The following PRRX2 variants were observed in gnomAD, a reference collection of about 807,000 sequenced individuals.
PRRX2 encodes the protein paired mesoderm homeobox protein 2.
In PRRX2, 11 loss-of-function variants were observed where a neutral mutation model predicts 18.0. The ratio of observed to expected loss-of-function variants is 0.61; its 90% CI spans 0.39 to 1.01. The LOEUF is 1.01. Ranked by LOEUF, PRRX2 falls within the 50% of genes least tolerant of loss-of-function variation. The pLI, the probability that PRRX2 is intolerant of heterozygous loss-of-function variation, is 0.01. For missense variants in PRRX2, 387 were observed against 351.0 expected (o/e 1.10, Z -0.82); for synonymous variants, 177 against 154.8 (o/e 1.14, Z -1.06).
At chr9:129,694,556 T>C (rs1255232626) in intron 1 of PRRX2, among the ~76,000 whole-genome samples, 1 of 152,210 alleles carries the variant, frequency 6.6e-6, no homozygotes, top group Non-Finnish European at 1.5e-5. Context: ...GGGAGATTCA[T>C]GCGTGCTCGG....
intron 1 of PRRX2, among the ~76,000 whole-genome samples, chr9:129,679,040 GGCCGTGCCC>G (rs1832196061): frequency 6.6e-6 from 1 of 152,200 alleles, no homozygotes. Context: ...TGGGGCAGGT[GGCCGTGCCC>G]CACGTCGCAG....
chr9:129,714,352 G>A (rs1229062957), intron 1 of PRRX2, among the ~76,000 whole-genome samples: 4 of 149,562 alleles, frequency 2.7e-5, no homozygotes, highest in East Asian at 3.9e-4. Flanking sequence ...GCAGTGAGCC[G>A]AGATCGCACC....
At position 129,700,342 on chromosome 9, in the gene PRRX2, C is replaced by CTTT. The variant is rs34482094; in HGVS notation, c.260-18876_260-18874dup. On this transcript the variant is annotated intron_variant, in intron 1 of 3. Transcript: ENST00000372469. ...TTTTTTGGTTTGTTGTTGTTGTTGG[C>CTTT]TTTTTTTTTTTTTTTAGATGAAGCC... Among the ~76,000 whole-genome samples the CTTT allele has an allele frequency of 1.7e-4, 24 of 138,336 alleles. 1 individual carries two copies. The highest frequency in any genetic ancestry group is 1.4e-3 in the South Asian group (6 of 4,374). The allele number at this position is 138,336 out of a possible 152,430, so 90.8% of individuals were successfully genotyped here. A position where few individuals can be genotyped will look rare whatever the true frequency, so the allele number is the denominator to read the frequency against.
rs1371121995 is a variant in PRRX2, at chr9:129,722,543, C to A, written c.*191C>A. ...CTCTTCTGTCCTTGGCCACCAGAGA[C>A]TGCAGCCCACAACCCTTGGAGGGGT... On this transcript the variant is annotated 3_prime_UTR_variant, in exon 4 of 4. Coordinates refer to ENST00000372469, the MANE Select transcript of PRRX2 (RefSeq NM_016307.4). 1.9e-6 allele frequency: 1 copy of A among 517,854 alleles called. No homozygotes were observed. Among genetic ancestry groups the A allele is most frequent in the Admixed American group, 4.4e-5 (1 of 22,804 alleles). The allele number at this position is 517,854 out of a possible 1,614,324, so 32.1% of individuals were successfully genotyped here. A position where few individuals can be genotyped will look rare whatever the true frequency, so the allele number is the denominator to read the frequency against.
At chr9:129,700,347 T>TC (rs1832478863) in intron 1 of PRRX2, among the ~76,000 whole-genome samples, 1 of 151,354 alleles carries the variant, frequency 6.6e-6, no homozygotes, top group African/African-American at 2.4e-5. Context: ...GTTGGCTTTT[T>TC]TTTTTTTTTT....
chr9:129,711,056 C>T (rs1832611730), intron 1 of PRRX2, among the ~76,000 whole-genome samples: 1 of 152,182 alleles, frequency 6.6e-6, no homozygotes, highest in Non-Finnish European at 1.5e-5. Context: ...AAGAATGTTT[C>T]TGTTGCCTTC....
intron 1 of PRRX2, among the ~76,000 whole-genome samples, chr9:129,676,010 G>C (rs376248346): frequency 6.6e-6 from 1 of 152,218 alleles, no homozygotes; most frequent in South Asian, 2.1e-4. Context: ...GTGGGCAGCC[G>C]GTGGGCAACT....
At chr9:129,690,155 A>C (rs1022808060) in intron 1 of PRRX2, among the ~76,000 whole-genome samples, 2 of 151,120 alleles carry the variant, frequency 1.3e-5, no homozygotes, top group African/African-American at 2.4e-5. Flanking sequence ...CATCCCTCCC[A>C]CCTTACCCAG....
chr9:129,720,830 G>C, intron 3 of PRRX2, 56 bp downstream of exon 3: 1 of 1,462,338 alleles, frequency 6.8e-7, no homozygotes, highest in Non-Finnish European at 9.1e-7. Flanking sequence ...ATCCCAGAGG[G>C]CTTTTCCGGC....
At chr9:129,696,917 C>T (rs1832431828) in intron 1 of PRRX2, among the ~76,000 whole-genome samples, 1 of 152,136 alleles carries the variant, frequency 6.6e-6, no homozygotes, top group Admixed American at 6.5e-5. Context: ...CCCCCTGGGG[C>T]CAGAGTCCGA....
chr9:129,689,426 C>T (rs1832332480), intron 1 of PRRX2, among the ~76,000 whole-genome samples: 1 of 150,492 alleles, frequency 6.6e-6, no homozygotes, highest in Admixed American at 6.8e-5. Context: ...CATCCATCAT[C>T]ATTTCCCATT....
intron 1 of PRRX2, among the ~76,000 whole-genome samples, chr9:129,668,500 G>T (rs1274220124): frequency 1.3e-5 from 2 of 152,106 alleles, no homozygotes; most frequent in South Asian, 4.1e-4. Flanking sequence ...TGGTCTGGCC[G>T]GGGGCGGTGG....
intron 1 of PRRX2, among the ~76,000 whole-genome samples, chr9:129,710,248 G>A (rs1455751242): frequency 2.0e-5 from 3 of 152,170 alleles, no homozygotes; most frequent in Admixed American, 6.5e-5. Flanking sequence ...CTGGAACAGC[G>A]GCCGGGCAGC....
At chr9:129,668,975 C>A (rs1468114672) in intron 1 of PRRX2, among the ~76,000 whole-genome samples, 1 of 151,176 alleles carries the variant, frequency 6.6e-6, no homozygotes. Context: ...AGTGAAACTG[C>A]ATCTCTACTA....
chr9:129,721,036 C>T (rs565906394), intron 3 of PRRX2, among the ~76,000 whole-genome samples: 49 of 152,334 alleles, frequency 3.2e-4, no homozygotes, highest in African/African-American at 1.2e-3. Flanking sequence ...AGTGTGCATG[C>T]ACATGCCTGC....
chr9:129,716,316 A>G (rs1832705931), intron 1 of PRRX2, among the ~76,000 whole-genome samples: 1 of 152,226 alleles, frequency 6.6e-6, no homozygotes, highest in Admixed American at 6.5e-5. Flanking sequence ...GGTTGAATAA[A>G]CACAGCAGAG....
chr9:129,681,749 G>T (rs1832234575), intron 1 of PRRX2, among the ~76,000 whole-genome samples: 1 of 152,064 alleles, frequency 6.6e-6, no homozygotes. Flanking sequence ...CTGAGGCTGG[G>T]GCAGATGGTG....
Position 129,715,082 on chromosome 9 carries a change from C to T in PRRX2, c.260-4149C>T, listed in dbSNP as rs949473943. The stretch of plus-strand genomic sequence containing the variant: ...TGAGGAGTGAAGAGTGAAGCGGTCC[C>T]GGCAATGAGACCAGCTCCACAGGGC... On this transcript the variant is annotated intron_variant, in intron 1 of 3. Coordinates refer to ENST00000372469, the MANE Select transcript of PRRX2 (RefSeq NM_016307.4). The surrounding 1 kb of genome is among the most constrained non-coding windows in gnomAD (Gnocchi z 4.0). Among the ~76,000 whole-genome samples, 28 of 152,110 alleles carry T rather than the reference C, an allele frequency of 1.8e-4. No homozygotes were observed. The highest frequency in any genetic ancestry group is 6.3e-4 in the African/African-American group (26 of 41,412).
At chr9:129,721,000 C>T (rs550246325) in intron 3 of PRRX2, among the ~76,000 whole-genome samples, 68 of 149,936 alleles carry the variant, frequency 4.5e-4, no homozygotes, top group Middle Eastern at 3.4e-3. Flanking sequence ...TGTGTGTCAA[C>T]GTACATGTGG....
Sources: allele counts gnomAD v4.1 joint callset (sites outside exome capture counted in the v4.1 genomes callset), GRCh38; gene constraint gnomAD v4.1.1; non-coding constraint Gnocchi (gnomAD v3.1); transcripts MANE v1.5; gene names NCBI Gene and HGNC (gene_info 2026-07-23, HGNC 2026-07-21).